F13A1: variants seen among roughly 807,000 people sequenced by gnomAD.
The protein encoded by F13A1 is coagulation factor XIII A chain, also known as FSF, A subunit.
Under a neutral mutation model 80.1 loss-of-function variants are expected in F13A1, and 47 were observed. The ratio of observed to expected loss-of-function variants is 0.59; its 90% CI spans 0.46 to 0.75. F13A1 has a LOEUF of 0.75. F13A1 is among the 30% of genes least tolerant of loss of function. F13A1 has a pLI of 0.00. For synonymous variants in F13A1, 349 were observed against 344.9 expected (o/e 1.01, Z -0.13); for missense variants, 817 against 930.4 (o/e 0.88, Z 1.59).
chr6:6,158,918 T>TTTTC (rs10668357), intron 13 of F13A1, among the ~76,000 whole-genome samples: 1,880 of 146,764 alleles, frequency 0.013, 59 homozygotes, highest in African/African-American at 0.043. Flanking sequence ...TTTTTTTTTT[T>TTTTC]CGAGACGGAG....
intron 3 of F13A1, among the ~76,000 whole-genome samples, chr6:6,295,945 A>G (rs199760260): frequency 0.32 from 41,533 of 131,198 alleles, 10,335 homozygotes; most frequent in African/African-American, 0.73. Flanking sequence ...AAGGGATCCA[A>G]TTTCAGCTTT....
intron 8 of F13A1, among the ~76,000 whole-genome samples, chr6:6,220,122 G>A (rs747905072): frequency 1.3e-5 from 2 of 152,160 alleles, no homozygotes; most frequent in Non-Finnish European, 2.9e-5. Context: ...GTCTGGGCAC[G>A]TCCTGAGTTG....
chr6:6,160,854 CTTT>C (rs11318478), intron 13 of F13A1, among the ~76,000 whole-genome samples: 1 of 144,846 alleles, frequency 6.9e-6, no homozygotes, highest in Admixed American at 6.9e-5. Context: ...ATTTTAAAAG[CTTT>C]TTTTTTTTTT....
intron 13 of F13A1, among the ~76,000 whole-genome samples, chr6:6,159,248 G>C (rs188917538): frequency 1.2e-3 from 177 of 152,150 alleles, no homozygotes; most frequent in African/African-American, 4.2e-3. Flanking sequence ...GTATGAATGG[G>C]ATGTGGGAGG....
chr6:6,311,654 ATTG>A (rs1039272775), intron 2 of F13A1, among the ~76,000 whole-genome samples: 64 of 147,666 alleles, frequency 4.3e-4, no homozygotes, highest in African/African-American at 1.5e-3. Flanking sequence ...TATATTATAT[ATTG>A]TTCATATAAA....
At chr6:6,189,967 T>A (rs7757882) in intron 10 of F13A1, among the ~76,000 whole-genome samples, 70,016 of 151,904 alleles carry the variant, frequency 0.46, 16,786 homozygotes, top group East Asian at 0.72. Context: ...GCTTCATTTC[T>A]TTCATTTCAT....
chr6:6,293,565 A>T lies in F13A1; in HGVS notation c.319+11786T>A, dbSNP rs1321896887. Among the ~76,000 whole-genome samples, 3 of 152,078 alleles carry T rather than the reference A, an allele frequency of 2.0e-5. No homozygotes were observed. In the East Asian group the frequency reaches 5.8e-4, roughly 29 times the overall value. On this transcript the variant is annotated intron_variant, in intron 3 of 14. Transcript: ENST00000264870. ...GCTGTGCTCTGCCAGCAACTCATGA[A>T]CGCAGTTATCAAAGCACAAAGAACC... is the stretch of plus-strand genomic sequence containing the variant.
chr6:6,177,393 T>C (rs60185511), intron 11 of F13A1, among the ~76,000 whole-genome samples: 1,877 of 152,286 alleles, frequency 0.012, 34 homozygotes, highest in African/African-American at 0.042. Flanking sequence ...CTTGTCACAG[T>C]ACTAGTTACT....
At chr6:6,216,531 A>G (rs1172421811) in intron 8 of F13A1, among the ~76,000 whole-genome samples, 1 of 149,332 alleles carries the variant, frequency 6.7e-6, no homozygotes, top group East Asian at 1.9e-4. Flanking sequence ...TCAATTCAAG[A>G]TGGATTAAAG....
chr6:6,310,028 A>G (rs1287507676), intron 2 of F13A1, among the ~76,000 whole-genome samples: 6 of 152,180 alleles, frequency 3.9e-5, no homozygotes, highest in Non-Finnish European at 8.8e-5. Flanking sequence ...CCTAGTTCTC[A>G]TTGCAAATGA....
At chr6:6,253,066 G>C (rs562981750) in intron 4 of F13A1, among the ~76,000 whole-genome samples, 1 of 148,948 alleles carries the variant, frequency 6.7e-6, no homozygotes, top group African/African-American at 2.5e-5. Flanking sequence ...GGCTGAGGCA[G>C]GAGAATCGCT....
chr6:6,250,132 G>A lies in F13A1; in HGVS notation c.690+679C>T, dbSNP rs569784902. The stretch of plus-strand genomic sequence containing the variant: ...CCAAAACTCCTGAGAAATGACATTC[G>A]CCCCCGCTTGTGTCGCTAATTAAAA... On this transcript the variant is annotated intron_variant, in intron 5 of 14. Transcript: ENST00000264870. The surrounding 1 kb of genome is among the most constrained non-coding windows in gnomAD (Gnocchi z 4.2). Among the ~76,000 whole-genome samples, 2 of 152,212 alleles carry A rather than the reference G, an allele frequency of 1.3e-5. No individual in the cohort carries two copies. Among genetic ancestry groups the A allele is most frequent in the African/African-American group, 2.4e-5 (1 of 41,538 alleles).
At chr6:6,212,895 G>C (rs1481468503) in intron 8 of F13A1, among the ~76,000 whole-genome samples, 1 of 152,156 alleles carries the variant, frequency 6.6e-6, no homozygotes, top group Non-Finnish European at 1.5e-5. Flanking sequence ...GAAGCCTCAG[G>C]AGCCGATGCG....
chr6:6,224,916 C>T (rs921741975), intron 6 of F13A1, 56 bp from the exon 7 acceptor site: 1 of 1,591,194 alleles, frequency 6.3e-7, no homozygotes, highest in African/African-American at 1.3e-5. Context: ...TTTGTCTACT[C>T]CAGGCTATGC....
intron 3 of F13A1, among the ~76,000 whole-genome samples, chr6:6,267,905 C>T (rs1757867761): frequency 6.6e-6 from 1 of 152,154 alleles, no homozygotes; most frequent in Non-Finnish European, 1.5e-5. Flanking sequence ...GTTTTAAAAG[C>T]TTCACCTTTG....
intron 3 of F13A1, among the ~76,000 whole-genome samples, chr6:6,287,581 C>T (rs964349124): frequency 6.6e-6 from 1 of 152,080 alleles, no homozygotes. Flanking sequence ...TTCATAAGTG[C>T]TCTGTGTGGC....
chr6:6,228,893 T>G (rs1456406174), intron 6 of F13A1, among the ~76,000 whole-genome samples: 3 of 152,168 alleles, frequency 2.0e-5, no homozygotes, highest in Non-Finnish European at 4.4e-5. Flanking sequence ...TATCCCCCAA[T>G]GGAACTGAGA....
intron 12 of F13A1, among the ~76,000 whole-genome samples, chr6:6,172,349 C>T (rs1760790992): frequency 6.6e-6 from 1 of 152,196 alleles, no homozygotes; most frequent in Non-Finnish European, 1.5e-5. Flanking sequence ...TTGTCCTCTT[C>T]AGTCCTTTAC....
intron 13 of F13A1, 133 bp downstream of exon 13, chr6:6,167,325 A>ATT (rs57207647): frequency 6.1e-5 from 48 of 786,216 alleles, no homozygotes; most frequent in Admixed American, 5.9e-4. Flanking sequence ...TAGCACTGGT[A>ATT]TTTTTTTTTT....
Sources: gnomAD v4.1 joint callset for allele counts (sites outside exome capture counted in the v4.1 genomes callset) on GRCh38, gnomAD v4.1.1 for gene constraint, Gnocchi (gnomAD v3.1) non-coding constraint, MANE v1.5 for transcripts, NCBI Gene and HGNC (gene_info 2026-07-23, HGNC 2026-07-21) for gene names.